Variants in TDRD7 observed in about 807,000 individuals in gnomAD.
The protein encoded by TDRD7 is tudor domain-containing protein 7.
Under a neutral mutation model 109.8 loss-of-function variants are expected in TDRD7, and 47 were observed. That is an observed-to-expected ratio of 0.43 (90% CI 0.34 to 0.55). TDRD7 has a LOEUF of 0.55. Among genes scored for constraint, TDRD7 ranks in the 20% least tolerant of loss-of-function variants. The pLI is 0.03. For missense variants in TDRD7, 1,164 were observed against 1,319.2 expected (o/e 0.88, Z 1.82); for synonymous variants, 424 against 457.3 (o/e 0.93, Z 0.93).
chr9:97,466,443 C>T (rs1224044036), intron 8 of TDRD7, among the ~76,000 whole-genome samples: 5 of 109,290 alleles, frequency 4.6e-5, no homozygotes, highest in Non-Finnish European at 7.9e-5. Flanking sequence ...CAGTTTCTTA[C>T]GAACACTTAA....
chr9:97,461,018 G>C (rs932235988), intron 7 of TDRD7, among the ~76,000 whole-genome samples: 2 of 152,002 alleles, frequency 1.3e-5, no homozygotes, highest in Non-Finnish European at 2.9e-5. Context: ...GCGGGTGCCT[G>C]TAGTCCCAGC....
intron 8 of TDRD7, among the ~76,000 whole-genome samples, chr9:97,470,081 T>C (rs1828885338): frequency 6.6e-6 from 1 of 152,212 alleles, no homozygotes; most frequent in Non-Finnish European, 1.5e-5. Context: ...CAAATGCTGC[T>C]TTGGGGATTT....
At chr9:97,455,585 C>T (rs761739529) in intron 6 of TDRD7, among the ~76,000 whole-genome samples, 1 of 152,204 alleles carries the variant, frequency 6.6e-6, no homozygotes, top group Non-Finnish European at 1.5e-5. Flanking sequence ...ACATGATTAT[C>T]TCAATAGATG....
chr9:97,452,138 C>A lies in TDRD7; in HGVS notation c.856-8040C>A, dbSNP rs188291539. 5.9e-5 allele frequency among the ~76,000 whole-genome samples: 9 copies of A among 152,218 alleles called. No individual in the cohort carries two copies. The East Asian group carries it at 1.7e-3, about 29-fold the overall frequency. On this transcript the variant is annotated intron_variant, in intron 6 of 16. Transcript: ENST00000355295. ...CTGAGGCAGGAGGATCACTTGAGCC[C>A]AGGAGGTGGAGGCTGCAGTGAGTCG... is the stretch of plus-strand genomic sequence containing the variant.
intron 1 of TDRD7, among the ~76,000 whole-genome samples, chr9:97,423,785 C>G (rs1408924201): frequency 6.6e-6 from 1 of 151,990 alleles, no homozygotes; most frequent in Non-Finnish European, 1.5e-5. Flanking sequence ...TTAGAAGTAT[C>G]TTGTTAAATT....
At position 97,427,951 on chromosome 9, in the gene TDRD7, A is replaced by T. The variant is rs182107590; in HGVS notation, c.-6-509A>T. Among the ~76,000 whole-genome samples, 7 of 152,142 alleles carry T rather than the reference A, an allele frequency of 4.6e-5. No homozygotes were observed. In the South Asian group the frequency reaches 8.3e-4, roughly 18 times the overall value. ...CCCCCGTTACTTTTGGCAAAAATGC[A>T]AACATGAGCATAATATAGTAGTCTC... On this transcript the variant is annotated intron_variant, in intron 1 of 16. Transcript: ENST00000355295.
chr9:97,415,992 C>T (rs528061260), intron 1 of TDRD7, among the ~76,000 whole-genome samples: 1 of 152,122 alleles, frequency 6.6e-6, no homozygotes, highest in Non-Finnish European at 1.5e-5. Flanking sequence ...AAAGCTTACA[C>T]TTTCTTTTTC....
rs1829155717 is a variant in TDRD7 at position 97,483,336 on chromosome 9, C to T, written c.2900C>T (p.Ala967Val). 1 of 1,613,822 alleles carries T rather than the reference C, an allele frequency of 6.2e-7. No individual in the cohort carries two copies. Among genetic ancestry groups the T allele is most frequent in the South Asian group, 1.1e-5 (1 of 91,082 alleles). ...IAVEKDQVYA[A>V]KVENKWHRVL... ...GTGGAGAAAGACCAAGTGTATGCTG[C>T]AAAAGTGGAAAATAAGTAGGTCCTT... Residue 967 changes from alanine to valine, a missense_variant, in exon 15 of 17, where the codon GCA becomes GTA. Coordinates refer to ENST00000355295, the MANE Select transcript of TDRD7 (RefSeq NM_014290.3).
Position 97,432,079 on chromosome 9 carries a change from GCAAAAAA to G in TDRD7, c.406_412del (p.Lys136LeufsTer6). 6.2e-7 allele frequency: 1 copy of G among 1,613,772 alleles called. No homozygotes were observed. The highest frequency in any genetic ancestry group is 8.5e-7 in the Non-Finnish European group (1 of 1,179,794). On this transcript the variant is annotated frameshift_variant, in exon 4 of 17. Transcript: ENST00000355295. LOFTEE classifies it high-confidence loss of function. Reference sequence around the variant, plus strand: ...GGATTTGCTTCAAATTTTTCTGTTGGCAAAAAACCTAATCCAGCACCGTTAAGAGACA... The same window carrying G: ...GGATTTGCTTCAAATTTTTCTGTTGGCCTAATCCAGCACCGTTAAGAGACA...
intron 6 of TDRD7, 78 bp downstream of exon 6, chr9:97,441,953 C>T (rs1229248812): frequency 6.8e-5 from 81 of 1,183,016 alleles, no homozygotes; most frequent in Non-Finnish European, 1.0e-4. Flanking sequence ...AGTCATATCA[C>T]CTTTTATCCC....
At position 97,472,435 on chromosome 9, in the gene TDRD7, C is replaced by G. The variant is rs373975201; in HGVS notation, c.1884C>G (p.Ile628Met). The G allele has an allele frequency of 5.0e-6, 8 of 1,613,748 alleles. No homozygotes were observed. The African/African-American group carries it at 1.1e-4, about 22-fold the overall frequency. Residue 628 changes from isoleucine to methionine, a missense_variant, in exon 10 of 17, where the codon ATC becomes ATG. This residue lies in a region of TDRD7 where 261 missense variants were observed against 336.2 expected (regional missense o/e 0.78). Coordinates refer to ENST00000355295, the MANE Select transcript of TDRD7 (RefSeq NM_014290.3). ...ACGATACCTCAGGAGAAGATGATAT[C>G]AATATCAATGCCACCTGCTTGAAGG... ...VLYDTSGEDD[I>M]NINATCLKAI...
At position 97,495,701 on chromosome 9, in the gene TDRD7, G is replaced by A. The variant is rs900021234; in HGVS notation, c.3115G>A (p.Val1039Met). The A allele has an allele frequency of 2.0e-5, 33 of 1,614,028 alleles. No homozygotes were observed. The highest frequency in any genetic ancestry group is 2.7e-5 in the Non-Finnish European group (32 of 1,180,026). The change falls in exon 17 of 17, where the codon GTG becomes ATG. Residue 1039 changes from valine (V) to methionine (M), a missense_variant. This residue lies in a region of TDRD7 where 162 missense variants were observed against 222.5 expected (regional missense o/e 0.73). Transcript: ENST00000355295. ...CNQWSEEASMVFRNHVEKKPL... is the reference protein window; with the variant it reads ...CNQWSEEASMMFRNHVEKKPL... ...CCAGTGGTCTGAGGAGGCTTCTATGGTGTTTCGAAATCATGTGGAGAAGAA... is the reference window on the plus strand; with the variant it reads ...CCAGTGGTCTGAGGAGGCTTCTATGATGTTTCGAAATCATGTGGAGAAGAA...
chr9:97,426,026 A>G (rs1236068167), intron 1 of TDRD7, among the ~76,000 whole-genome samples: 4 of 152,208 alleles, frequency 2.6e-5, no homozygotes, highest in Non-Finnish European at 5.9e-5. Flanking sequence ...CGTGTATCTA[A>G]ACGTAGAAAA....
At chr9:97,421,780 C>G (rs199871867) in intron 1 of TDRD7, among the ~76,000 whole-genome samples, 1 of 151,280 alleles carries the variant, frequency 6.6e-6, no homozygotes, top group Non-Finnish European at 1.5e-5. Context: ...AGGCGAGTCT[C>G]GAACTCCTGA....
chr9:97,422,483 T>C (rs750464539), intron 1 of TDRD7, among the ~76,000 whole-genome samples: 1 of 152,262 alleles, frequency 6.6e-6, no homozygotes, highest in Non-Finnish European at 1.5e-5. Context: ...CTTTTGATAA[T>C]ATTATACTAT....
At chr9:97,485,720 C>T (rs545115327) in intron 15 of TDRD7, among the ~76,000 whole-genome samples, 59 of 152,078 alleles carry the variant, frequency 3.9e-4, no homozygotes, top group Non-Finnish European at 7.5e-4. Context: ...AAGTAATGTC[C>T]CAGGCACTTT....
At chr9:97,443,492 T>C (rs1453662769) in intron 6 of TDRD7, among the ~76,000 whole-genome samples, 1 of 152,252 alleles carries the variant, frequency 6.6e-6, no homozygotes, top group Non-Finnish European at 1.5e-5. Context: ...AGGGTTACTT[T>C]TTCAGTTCAG....
rs765300189 is a variant in TDRD7 at position 97,432,087 on chromosome 9, C to A, written c.412C>A (p.Pro138Thr). The change falls in exon 4 of 17, where the codon CCT (proline) becomes ACT (threonine). Residue 138 changes from proline (P) to threonine (T), a missense_variant. Physicochemically the swap from Pro to Thr is conservative, Grantham distance 38 (BLOSUM62 -1). Around this residue, in one of 5 missense-constraint regions of TDRD7, gnomAD observed 407 missense variants for 394.0 expected, o/e 1.03. Coordinates refer to ENST00000355295, the MANE Select transcript of TDRD7 (RefSeq NM_014290.3). ...FASNFSVGKK[P>T]NPAPLRDKGN... ...TTCAAATTTTTCTGTTGGCAAAAAA[C>A]CTAATCCAGCACCGTTAAGAGACAA... 6.2e-7 allele frequency: 1 copy of A among 1,613,850 alleles called. No homozygotes were observed. The highest frequency in any genetic ancestry group is 1.1e-5 in the South Asian group (1 of 91,082).
chr9:97,478,716 C>T (rs1442947024), intron 13 of TDRD7, 143 bp downstream of exon 13: 7 of 1,169,928 alleles, frequency 6.0e-6, no homozygotes, highest in Non-Finnish European at 7.5e-6. Context: ...TGCTGGTTTT[C>T]AGAAGTAAAA....
Sources: allele counts gnomAD v4.1 joint callset (sites outside exome capture counted in the v4.1 genomes callset), GRCh38; gene constraint gnomAD v4.1.1; regional missense constraint gnomAD v4.1.1; transcripts MANE v1.5; gene names NCBI Gene and HGNC (gene_info 2026-07-23, HGNC 2026-07-21).